Variants in DNAJC1 observed in about 807,000 individuals in gnomAD.
The protein encoded by DNAJC1 is dnaJ homolog subfamily C member 1.
DNAJC1 carries 58 observed loss-of-function variants against 76.6 expected under a neutral mutation model. The ratio of observed to expected loss-of-function variants is 0.76; its 90% confidence interval spans 0.61 to 0.94. The LOEUF (loss-of-function observed/expected upper bound fraction) is 0.94, where lower values mean the gene tolerates loss of function less well. Ranked by LOEUF, DNAJC1 falls within the 40% of genes least tolerant of loss-of-function variation. DNAJC1 has a pLI of 0.00. For missense variants in DNAJC1, 689 were observed against 677.3 expected (o/e 1.02, Z -0.19); for synonymous variants, 258 against 267.9 (o/e 0.96, Z 0.36).
chr10:21,773,574 T>C (rs1177828031), intron 9 of DNAJC1, among the ~76,000 whole-genome samples: 4 of 152,226 alleles, frequency 2.6e-5, no homozygotes, highest in Admixed American at 6.5e-5. Flanking sequence ...CAATGTTCCA[T>C]GTGTAAAGAA....
intron 7 of DNAJC1, among the ~76,000 whole-genome samples, chr10:21,894,227 G>A (rs1180767573): frequency 6.6e-6 from 1 of 152,124 alleles, no homozygotes; most frequent in African/African-American, 2.4e-5. Flanking sequence ...ACAGAATTCT[G>A]CCAAACATTT....
At chr10:21,782,527 G>A (rs1429255563) in intron 9 of DNAJC1, among the ~76,000 whole-genome samples, 7 of 152,166 alleles carry the variant, frequency 4.6e-5, no homozygotes, top group African/African-American at 9.7e-5. Flanking sequence ...CAGAAAAAGA[G>A]GGATTCCTCC....
rs145586661 is a variant in DNAJC1 at position 21,843,116 on chromosome 10, T to C, written c.979-37017A>G. ...TAAAATCCTTGAAAACAAATATTAT[T>C]TGGAATTGAGGAAAAATGTCTCATG... On this transcript the variant is annotated intron_variant, in intron 8 of 11. Transcript: ENST00000376980. Among the ~76,000 whole-genome samples, 499 of 152,214 alleles carry C rather than the reference T, an allele frequency of 3.3e-3. 4 individuals carry two copies. The highest frequency in any genetic ancestry group is 0.011 in the African/African-American group (467 of 41,538).
At chr10:21,959,175 G>A (rs1379906294) in intron 1 of DNAJC1, among the ~76,000 whole-genome samples, 1 of 151,908 alleles carries the variant, frequency 6.6e-6, no homozygotes, top group Non-Finnish European at 1.5e-5. Context: ...CCTAGGCTAG[G>A]ATGCAGTGGT....
At chr10:21,837,439 C>A in intron 8 of DNAJC1, among the ~76,000 whole-genome samples, 1 of 147,178 alleles carries the variant, frequency 6.8e-6, no homozygotes, top group East Asian at 2.1e-4. Context: ...CGCCTCTTCC[C>A]GGCCGCCATC....
chr10:21,804,317 T>A (rs1834855717), intron 9 of DNAJC1, among the ~76,000 whole-genome samples: 1 of 152,100 alleles, frequency 6.6e-6, no homozygotes, highest in South Asian at 2.1e-4. Flanking sequence ...AATACATTAG[T>A]ATTACTATTA....
At chr10:21,979,132 C>A (rs961262781) in intron 1 of DNAJC1, among the ~76,000 whole-genome samples, 3 of 151,100 alleles carry the variant, frequency 2.0e-5, no homozygotes, top group African/African-American at 7.3e-5. Context: ...AAGACAAAAC[C>A]TTAGTAAAAT....
intron 7 of DNAJC1, 97 bp downstream of exon 7, chr10:21,904,425 A>C: frequency 1.2e-6 from 1 of 819,884 alleles, no homozygotes; most frequent in Non-Finnish European, 1.7e-6. Flanking sequence ...AAAAAAGAAA[A>C]CCAGAAAATT....
rs978528955 is a variant in DNAJC1, at chr10:22,003,381, C to G, written c.54G>C (p.Gly18=). The G allele has an allele frequency of 7.2e-7, 1 of 1,388,248 alleles. No homozygotes were observed. Among genetic ancestry groups the G allele is most frequent in the East Asian group, 3.1e-5 (1 of 32,588 alleles). The allele number at this position is 1,388,248 out of a possible 1,614,324, so 86.0% of individuals were successfully genotyped here. A position where few individuals can be genotyped will look rare whatever the true frequency, so the allele number is the denominator to read the frequency against. ...GCGGCGGCGGCGGGAACGGCACCAG[C>G]CCGAGCTGGCGGCGTCCAGGAAGCT... is the stretch of plus-strand genomic sequence containing the variant. ...PAQLPGRRQL[G]LVPFPPPPPR... The change falls in exon 1 of 12, where the codon GGG becomes GGC. Residue 18 remains glycine (G), a synonymous_variant. Transcript: ENST00000376980.
At chr10:21,989,928 G>A (rs16921976) in intron 1 of DNAJC1, among the ~76,000 whole-genome samples, 13,335 of 152,156 alleles carry the variant, frequency 0.088, 1,367 homozygotes, top group African/African-American at 0.25. Flanking sequence ...AATTCCACTC[G>A]CAGAAACATA....
chr10:21,954,471 G>T (rs577973380), intron 1 of DNAJC1, among the ~76,000 whole-genome samples: 31 of 152,278 alleles, frequency 2.0e-4, no homozygotes, highest in Admixed American at 2.0e-3. Flanking sequence ...TAATATCTCA[G>T]TCGAAGGGCT....
At chr10:21,940,538 T>C (rs1268753002) in intron 1 of DNAJC1, among the ~76,000 whole-genome samples, 3 of 152,134 alleles carry the variant, frequency 2.0e-5, no homozygotes, top group Non-Finnish European at 4.4e-5. Flanking sequence ...AATAAGAAAA[T>C]AATTTCGAGC....
intron 8 of DNAJC1, among the ~76,000 whole-genome samples, chr10:21,842,072 G>A (rs1223163300): frequency 7.9e-6 from 1 of 125,792 alleles, no homozygotes; most frequent in Admixed American, 1.0e-4. Context: ...ACAGGAAGGG[G>A]AACATCACAC....
intron 7 of DNAJC1, among the ~76,000 whole-genome samples, chr10:21,903,414 C>T (rs1836691517): frequency 6.7e-6 from 1 of 148,204 alleles, no homozygotes; most frequent in Admixed American, 6.6e-5. Flanking sequence ...ATTCTTACTC[C>T]TTCTTAACAG....
chr10:21,767,613 T>G (rs1280785566), intron 9 of DNAJC1, among the ~76,000 whole-genome samples: 2 of 152,156 alleles, frequency 1.3e-5, no homozygotes, highest in African/African-American at 4.8e-5. Flanking sequence ...GAGATAAAAT[T>G]TACAGAGTGT....
chr10:21,905,312 T>C (rs747216896), intron 6 of DNAJC1, among the ~76,000 whole-genome samples: 1 of 150,202 alleles, frequency 6.7e-6, no homozygotes, highest in Admixed American at 6.6e-5. Flanking sequence ...ATAAACAAGC[T>C]GATGCTCTAG....
chr10:21,890,421 C>CAA (rs1007952107), intron 7 of DNAJC1, among the ~76,000 whole-genome samples: 40 of 52,690 alleles, frequency 7.6e-4, no homozygotes, highest in African/African-American at 1.4e-3. Flanking sequence ...TCCCCCCCTA[C>CAA]AAAAAAAAAA....
chr10:21,861,090 G>C (rs1158250536), intron 8 of DNAJC1, among the ~76,000 whole-genome samples: 1 of 152,096 alleles, frequency 6.6e-6, no homozygotes, highest in Non-Finnish European at 1.5e-5. Flanking sequence ...AGGTAATGGG[G>C]GTCAGGACTT....
intron 1 of DNAJC1, among the ~76,000 whole-genome samples, chr10:21,933,634 C>T (rs1837261730): frequency 6.6e-6 from 1 of 152,172 alleles, no homozygotes; most frequent in Non-Finnish European, 1.5e-5. Context: ...TATACACAGT[C>T]TACTGGCAAA....
Sources: allele counts gnomAD v4.1 joint callset (sites outside exome capture counted in the v4.1 genomes callset), GRCh38; gene constraint gnomAD v4.1.1; transcripts MANE v1.5; gene names NCBI Gene and HGNC (gene_info 2026-07-23, HGNC 2026-07-21).